The following RIF1 variants were observed in gnomAD, a reference collection of about 807,000 sequenced individuals.
The protein encoded by RIF1 is replication timing regulatory factor 1, also known as telomere-associated protein RIF1.
RIF1 carries 45 observed loss-of-function variants against 247.1 expected under a neutral mutation model. That is an observed-to-expected ratio of 0.18 (90% CI 0.14 to 0.23). RIF1 has a LOEUF of 0.23. Among genes scored for constraint, RIF1 ranks in the 10% least tolerant of loss-of-function variants. The pLI, the probability that RIF1 is intolerant of heterozygous loss-of-function variation, is 1.00. For synonymous variants in RIF1, 1,087 were observed against 978.8 expected, an observed-to-expected ratio of 1.11 and a Z score of -2.06; for missense variants, 2,967 against 2,862.5, an observed-to-expected ratio of 1.04 and a Z score of -0.83.
rs1306028637 is a variant in RIF1, at chr2:151,503,227, TACAC to T, written c.*861+44_*861+47del. 8.1e-6 allele frequency: 6 copies of T among 737,888 alleles called. No homozygotes were observed. In the East Asian group the frequency reaches 1.1e-4, roughly 13 times the overall value. The allele number at this position is 737,888 out of a possible 1,614,324, so 45.7% of individuals were successfully genotyped here. A position where few individuals can be genotyped will look rare whatever the true frequency, so the allele number is the denominator to read the frequency against. ...TAACATAATTTTGGTCAGGTAATAA[TACAC>T]AACACACACAGACACACACAGAATT... is the stretch of plus-strand genomic sequence containing the variant. On this transcript the variant is annotated intron_variant and NMD_transcript_variant, in intron 12 of 13. Transcript: ENST00000454583.
intron 21 of RIF1, among the ~76,000 whole-genome samples, chr2:151,454,628 G>GA (rs777093853): frequency 3.3e-5 from 5 of 152,004 alleles, no homozygotes; most frequent in Non-Finnish European, 7.4e-5. Flanking sequence ...TAATTCCTAA[G>GA]AAAAAATGAA....
chr2:151,513,405 G>A, the RIF1 span, among the ~76,000 whole-genome samples: 1 of 152,192 alleles, frequency 6.6e-6, no homozygotes, highest in Non-Finnish European at 1.5e-5. Context: ...ACAGCAATGA[G>A]CCTGGCAAAG....
At chr2:151,528,212 G>A in the RIF1 span, among the ~76,000 whole-genome samples, 1 of 152,166 alleles carries the variant, frequency 6.6e-6, no homozygotes, top group Non-Finnish European at 1.5e-5. Context: ...GCTGCATTGG[G>A]CCAAATCTGA....
At chr2:151,512,623 T>C (rs950046768), downstream of RIF1, 1 of 870,030 alleles carries the variant, frequency 1.1e-6, no homozygotes, top group Non-Finnish European at 1.9e-6. Context: ...GAATCTCTTT[T>C]TTATTGGGAA....
chr2:151,506,863 G>T, intron 13 of RIF1: 1 of 1,241,800 alleles, frequency 8.1e-7, no homozygotes, highest in Non-Finnish European at 1.2e-6. Flanking sequence ...AGAGGAGAGT[G>T]AAATGACTAG....
At position 151,457,207 on chromosome 2, in the gene RIF1, G is replaced by A. The variant is rs570694103; in HGVS notation, c.2653-554G>A. 2.6e-5 allele frequency among the ~76,000 whole-genome samples: 4 copies of A among 151,680 alleles called. No homozygotes were observed. In the South Asian group the frequency reaches 8.4e-4, roughly 32 times the overall value. On this transcript the variant is annotated intron_variant, in intron 23 of 35. Coordinates refer to ENST00000444746, the MANE Select transcript of RIF1 (RefSeq NM_018151.5). ...CACGATCACGGCTTACCACACCCCT[G>A]CCCTCCTGGGCTCAAGGTGATTCTC...
chr2:151,493,802 C>T lies in RIF1; in HGVS notation c.*416-1427C>T, dbSNP rs769610035. The T allele has an allele frequency of 7.6e-5, 121 of 1,584,446 alleles. No individual in the cohort carries two copies. Among genetic ancestry groups the T allele is most frequent in the Non-Finnish European group, 9.5e-5 (111 of 1,163,314 alleles). On this transcript the variant is annotated intron_variant and NMD_transcript_variant, in intron 9 of 13. Coordinates refer to the RIF1 transcript ENST00000454583. ...AGCTAAAGTTTTCTTGATTGCGTTT[C>T]ACTCTTTCCATCTCAGGAGTAAAGG...
intron 9 of RIF1, chr2:151,493,798 G>T: frequency 1.3e-6 from 2 of 1,583,250 alleles, no homozygotes; most frequent in Non-Finnish European, 1.7e-6. Context: ...TCTTGATTGC[G>T]TTTCACTCTT....
chr2:151,504,507 C>A (rs534335738), intron 12 of RIF1, among the ~76,000 whole-genome samples: 1 of 152,102 alleles, frequency 6.6e-6, no homozygotes, highest in Non-Finnish European at 1.5e-5. Flanking sequence ...GAAATCTGTA[C>A]CACAGAGTAT....
intron 33 of RIF1, 106 bp downstream of exon 33, chr2:151,468,862 C>T (rs896722810): frequency 6.4e-6 from 5 of 782,794 alleles, no homozygotes; most frequent in South Asian, 1.6e-5. Context: ...GGCATGTACT[C>T]TCACACACAT....
chr2:151,504,585 C>T (rs1183412055), intron 12 of RIF1, among the ~76,000 whole-genome samples: 1 of 152,108 alleles, frequency 6.6e-6, no homozygotes, highest in Non-Finnish European at 1.5e-5. Context: ...TATCAAGTAT[C>T]CTAAAGAAAA....
intron 10 of RIF1, among the ~76,000 whole-genome samples, chr2:151,433,998 C>T (rs961420537): frequency 6.6e-6 from 1 of 151,598 alleles, no homozygotes; most frequent in African/African-American, 2.4e-5. Context: ...ATGGTGAAAC[C>T]CCGTGTCTAC....
intron 20 of RIF1, among the ~76,000 whole-genome samples, chr2:151,450,921 G>A (rs57800228): frequency 0.051 from 7,703 of 152,216 alleles, 646 homozygotes; most frequent in African/African-American, 0.17. Context: ...ACTGGGTTTA[G>A]TGAAAACTTT....
chr2:151,496,012 A>C (rs1194500555), intron 10 of RIF1, among the ~76,000 whole-genome samples: 1 of 152,180 alleles, frequency 6.6e-6, no homozygotes, highest in Non-Finnish European at 1.5e-5. Flanking sequence ...TAGTGGATAG[A>C]GAGTAAGTTT....
Position 151,464,050 on chromosome 2 carries a change from C to T in RIF1, c.4530C>T (p.Asn1510=). 1.2e-6 allele frequency: 2 copies of T among 1,612,668 alleles called. No individual in the cohort carries two copies. Among genetic ancestry groups the T allele is most frequent in the East Asian group, 2.2e-5 (1 of 44,864 alleles). The part of the protein sequence containing the change: ...EQNKKKADPE[N]IKSEGDGTQD... ...ATAAAAAAAAGGCAGACCCTGAGAA[C>T]ATTAAGTCTGAGGGGGATGGTACCC... is the stretch of plus-strand genomic sequence containing the variant. Residue 1510 remains asparagine (N), a synonymous_variant, in exon 30 of 36, where the codon AAC becomes AAT. Coordinates refer to ENST00000444746, the MANE Select transcript of RIF1 (RefSeq NM_018151.5).
intron 10 of RIF1, among the ~76,000 whole-genome samples, chr2:151,495,629 A>G (rs1043006570): frequency 2.2e-4 from 34 of 152,230 alleles, no homozygotes; most frequent in Admixed American, 3.9e-4. Context: ...GAAATGGTTT[A>G]CTAAAGTTTG....
At chr2:151,471,969 G>A (rs375807067) in intron 34 of RIF1, among the ~76,000 whole-genome samples, 11 of 152,094 alleles carry the variant, frequency 7.2e-5, no homozygotes, top group African/African-American at 2.2e-4. Context: ...GCAGTATGGC[G>A]ATTTTCACAA....
chr2:151,462,400 T>A lies in RIF1; in HGVS notation c.3309-12T>A, dbSNP rs765364055. ...ATTATAAAAATAATATTCTTACTAA[T>A]ATTTATTTCAGGGAAATTCCTACTT... On this transcript the variant is annotated splice_polypyrimidine_tract_variant and intron_variant, in intron 28 of 35. Coordinates refer to ENST00000444746, the MANE Select transcript of RIF1 (RefSeq NM_018151.5). The A allele has an allele frequency of 2.7e-6, 4 of 1,501,894 alleles. No individual in the cohort carries two copies. In the Admixed American group the frequency reaches 5.7e-5, roughly 22 times the overall value. 93.0% of individuals were successfully genotyped at this position (1,501,894 alleles called of 1,614,324 possible). A position where few individuals can be genotyped will look rare whatever the true frequency, so the allele number is the denominator to read the frequency against.
intron 13 of RIF1, chr2:151,506,848 T>A: frequency 1.8e-6 from 2 of 1,109,644 alleles, no homozygotes; most frequent in Non-Finnish European, 2.7e-6. Context: ...CTAGTATATT[T>A]TTAAAGAGGA....
Sources: gnomAD v4.1 joint callset for allele counts (sites outside exome capture counted in the v4.1 genomes callset) on GRCh38, gnomAD v4.1.1 for gene constraint, MANE v1.5 for transcripts, NCBI Gene and HGNC (gene_info 2026-07-23, HGNC 2026-07-21) for gene names.